Variants in CFAP47 observed in about 807,000 individuals in gnomAD.
The protein encoded by CFAP47 is cilia- and flagella-associated protein 47.
A neutral mutation model predicts 148.1 loss-of-function variants in CFAP47; 29 were observed. That is an observed-to-expected ratio of 0.20 (90% CI 0.15 to 0.27). The LOEUF (loss-of-function observed/expected upper bound fraction) is 0.27, where lower values mean the gene tolerates loss of function less well. CFAP47 is among the 10% of genes least tolerant of loss of function. The pLI is 1.00. For synonymous variants in CFAP47, 664 were observed against 577.3 expected (o/e 1.15, Z -2.15); for missense variants, 1,872 against 1,697.5 (o/e 1.10, Z -1.81).
At chrX:36,196,521 C>T (rs1418823093) in intron 42 of CFAP47, among the ~76,000 whole-genome samples, 14 of 110,860 alleles carry the variant, frequency 1.3e-4, no homozygotes, top group Non-Finnish European at 2.5e-4. Context: ...AGAGGGCATC[C>T]GTGACTTGTC....
intron 57 of CFAP47, among the ~76,000 whole-genome samples, chrX:36,322,343 C>T (rs1029958373): frequency 5.4e-5 from 6 of 110,495 alleles, no homozygotes; most frequent in African/African-American, 1.3e-4. Flanking sequence ...TATCAAGTCC[C>T]GCCCAAATCC....
intron 39 of CFAP47, among the ~76,000 whole-genome samples, chrX:36,167,167 T>C (rs189464223): frequency 1.1e-3 from 121 of 111,924 alleles, no homozygotes; most frequent in African/African-American, 3.8e-3. Context: ...CCAATCTCCA[T>C]CCAATTGTAT....
intron 33 of CFAP47, among the ~76,000 whole-genome samples, chrX:36,124,890 G>A (rs1938808960): frequency 1.8e-5 from 2 of 110,432 alleles, no homozygotes; most frequent in South Asian, 7.7e-4. Flanking sequence ...TAAAATTTTA[G>A]GAATATTCAC....
chrX:36,031,971 G>A (rs893019745), intron 23 of CFAP47, among the ~76,000 whole-genome samples: 8 of 110,362 alleles, frequency 7.2e-5, no homozygotes, highest in Admixed American at 3.9e-4. Flanking sequence ...AGAATATTTA[G>A]CCTTGCATTA....
intron 45 of CFAP47, among the ~76,000 whole-genome samples, chrX:36,215,378 A>G (rs1352665064): frequency 1.8e-5 from 2 of 111,299 alleles, no homozygotes; most frequent in African/African-American, 6.6e-5. Context: ...TCTAGCTAAG[A>G]TGTCAAATTC....
At chrX:36,247,299 T>G (rs1398520461) in intron 48 of CFAP47, among the ~76,000 whole-genome samples, 1 of 110,753 alleles carries the variant, frequency 9.0e-6, no homozygotes, top group African/African-American at 3.3e-5. Flanking sequence ...AGGGGGCATG[T>G]GTTGAAAAGC....
intron 1 of CFAP47, among the ~76,000 whole-genome samples, chrX:35,921,626 C>A (rs1161091184): frequency 2.7e-5 from 3 of 111,470 alleles, no homozygotes; most frequent in Non-Finnish European, 5.7e-5. Flanking sequence ...GAAAACAATT[C>A]ATTCCACAAG....
At chrX:36,173,343 T>G (rs1939615096) in intron 39 of CFAP47, among the ~76,000 whole-genome samples, 1 of 111,806 alleles carries the variant, frequency 8.9e-6, no homozygotes, top group South Asian at 3.7e-4. Flanking sequence ...TTCTGCTAGC[T>G]TTTGGATGTG....
intron 39 of CFAP47, among the ~76,000 whole-genome samples, chrX:36,173,369 C>A (rs2146860129): frequency 9.0e-6 from 1 of 111,558 alleles, no homozygotes; most frequent in Non-Finnish European, 1.9e-5. Context: ...TCTTGCTTTT[C>A]TAGTTCTTTT....
intron 41 of CFAP47, among the ~76,000 whole-genome samples, chrX:36,189,575 T>A (rs1208897956): frequency 8.9e-6 from 1 of 111,947 alleles, no homozygotes; most frequent in Admixed American, 9.6e-5. Context: ...ATCATCATAT[T>A]TAAGGCAATA....
Position 35,971,708 on chromosome X carries a change from G to A in CFAP47, c.2093G>A (p.Arg698Lys). The change falls in exon 12 of 64, where the codon AGA becomes AAA. Residue 698 changes from arginine (R) to lysine (K), a missense_variant. Transcript: ENST00000378653. The stretch of plus-strand genomic sequence containing the variant: ...CTGTCTTCAGCAGCAAATTCAATTA[G>A]AGCGAATCGATTGTTAACCACCAGG... Reference protein sequence around the residue: ...EELSSAANSIRANRLLTTRGI... With the variant: ...EELSSAANSIKANRLLTTRGI... 1 of 1,211,174 alleles carries A rather than the reference G, an allele frequency of 8.3e-7. No homozygotes were observed. Among genetic ancestry groups the A allele is most frequent in the Non-Finnish European group, 1.1e-6 (1 of 895,218 alleles).
In CFAP47 at chrX:36,071,898, T is replaced by C. The variant is rs1937761637; in HGVS notation, c.4392T>C (p.Pro1464=). The C allele has an allele frequency of 8.3e-7, 1 of 1,207,009 alleles. No individual in the cohort carries two copies. The highest frequency in any genetic ancestry group is 1.7e-5 in the African/African-American group (1 of 57,751). Residue 1464 remains proline, a synonymous_variant, in exon 28 of 64, where the codon CCT becomes CCC. Transcript: ENST00000378653. ...ACCAGGATGCTAAACCACCCTCTCC[T>C]GCTTCAATTAAAAAGACATACACCA... ...PPYQDAKPPS[P]ASIKKTYTTS... is the part of the protein sequence containing the mutation.
intron 22 of CFAP47, among the ~76,000 whole-genome samples, chrX:36,019,654 A>G (rs1038255805): frequency 6.3e-5 from 7 of 111,679 alleles, no homozygotes; most frequent in Non-Finnish European, 9.4e-5. Flanking sequence ...ACATGGTGCA[A>G]TCTTGGTGCA....
At chrX:36,382,635 G>A (rs7060171) in intron 63 of CFAP47, among the ~76,000 whole-genome samples, 1 of 111,051 alleles carries the variant, frequency 9.0e-6, no homozygotes, top group Non-Finnish European at 1.9e-5. Context: ...ATGGAAACTC[G>A]GGAAATAAAA....
chrX:35,966,202 A>AG (rs1936399274), intron 8 of CFAP47, among the ~76,000 whole-genome samples: 7 of 110,005 alleles, frequency 6.4e-5, no homozygotes, highest in African/African-American at 2.0e-4. Context: ...AATATTTAAG[A>AG]AATATTAGCT....
Position 36,137,543 on chromosome X carries a change from C to T in CFAP47, c.5321-415C>T, listed in dbSNP as rs773588805. Among the ~76,000 whole-genome samples, 3 of 110,685 alleles carry T rather than the reference C, an allele frequency of 2.7e-5. No homozygotes were observed. In the South Asian group the frequency reaches 1.1e-3, roughly 42 times the overall value. On this transcript the variant is annotated intron_variant, in intron 33 of 63. Transcript: ENST00000378653. The stretch of plus-strand genomic sequence containing the variant: ...TTCCTGCCACGTGGATGAATTTCTG[C>T]AAGAAATAAAGAAACTGGCACTAGC...
rs1187931170 is a variant in CFAP47, at chrX:36,355,394, C to T, written c.8851+1713C>T. 4.5e-5 allele frequency among the ~76,000 whole-genome samples: 5 copies of T among 111,574 alleles called. No individual in the cohort carries two copies. In the East Asian group the frequency reaches 1.1e-3, roughly 25 times the overall value. ...GGCATTTATTCAAAAAAATTGAAAT[C>T]GGGAGTTCCAAGAGAGGTCTGTATT... On this transcript the variant is annotated intron_variant, in intron 60 of 63. Transcript: ENST00000378653.
chrX:35,972,123 G>A (rs1000207255), intron 13 of CFAP47, among the ~76,000 whole-genome samples, 158 bp downstream of exon 13: 3 of 112,247 alleles, frequency 2.7e-5, no homozygotes, highest in African/African-American at 9.7e-5. Context: ...GTATGACTGA[G>A]AGAATTAACT....
intron 19 of CFAP47, among the ~76,000 whole-genome samples, chrX:35,999,754 G>T (rs1321040648): frequency 1.8e-5 from 2 of 111,637 alleles, no homozygotes; most frequent in Non-Finnish European, 3.8e-5. Context: ...AGCATCAGGT[G>T]TTGGTTGGAA....
Sources: allele counts gnomAD v4.1 joint callset (sites outside exome capture counted in the v4.1 genomes callset), GRCh38; gene constraint gnomAD v4.1.1; transcripts MANE v1.5; gene names NCBI Gene and HGNC (gene_info 2026-07-23, HGNC 2026-07-21).